CDH2: variants seen among roughly 807,000 people sequenced by gnomAD.
CDH2 encodes the protein cadherin 2, also known as cadherin-2.
CDH2 carries 17 observed loss-of-function variants against 92.0 expected under a neutral mutation model. That is an observed-to-expected ratio of 0.18 (90% CI 0.13 to 0.28). CDH2 has a LOEUF of 0.28. CDH2 is among the 10% of genes least tolerant of loss of function. The pLI is 1.00. For synonymous variants in CDH2, 419 were observed against 415.9 expected, an observed-to-expected ratio of 1.01 and a Z score of -0.09; for missense variants, 862 against 1,133.1, an observed-to-expected ratio of 0.76 and a Z score of 3.44.
intron 2 of CDH2, among the ~76,000 whole-genome samples, chr18:28,140,786 G>A (rs1326635514): frequency 2.7e-5 from 4 of 150,534 alleles, no homozygotes; most frequent in African/African-American, 9.8e-5. Flanking sequence ...ATCTGACAAC[G>A]ATCTAGTATC....
intron 2 of CDH2, among the ~76,000 whole-genome samples, chr18:28,056,235 A>T (rs1398492072): frequency 6.6e-6 from 1 of 152,154 alleles, no homozygotes; most frequent in East Asian, 1.9e-4. Context: ...GGTATGACCA[A>T]GCTGGCTAAA....
Position 27,993,588 on chromosome 18 carries a change from T to G in CDH2, c.1070A>C (p.Asn357Thr). Residue 357 changes from asparagine (N) to threonine (T), a missense_variant, in exon 8 of 16, where the codon AAT becomes ACT. Asn to Thr is a moderately conservative substitution (Grantham distance 65). Around this residue, in one of 5 missense-constraint regions of CDH2, gnomAD observed 564 missense variants for 722.2 expected, o/e 0.78. Transcript: ENST00000269141. ...TGTGTTTGAAAGGCCATATGTGGGA[T>G]TGCCTTCCATGTCTGTAGCTTGAAT... ...LIIQATDMEG[N>T]PTYGLSNTAT... The G allele has an allele frequency of 6.2e-7, 1 of 1,613,860 alleles. No individual in the cohort carries two copies. Among genetic ancestry groups the G allele is most frequent in the Non-Finnish European group, 8.5e-7 (1 of 1,179,732 alleles).
At chr18:28,050,851 T>G (rs139447611) in intron 2 of CDH2, among the ~76,000 whole-genome samples, 9 of 152,306 alleles carry the variant, frequency 5.9e-5, no homozygotes, top group Admixed American at 5.2e-4. Context: ...TCATAAGTTT[T>G]AGCTCAAGAA....
intron 14 of CDH2, among the ~76,000 whole-genome samples, chr18:27,981,201 T>C (rs2012041299): frequency 6.6e-6 from 1 of 152,142 alleles, no homozygotes; most frequent in Non-Finnish European, 1.5e-5. Flanking sequence ...GGGTTTTAGG[T>C]TTATGCCTTT....
intron 2 of CDH2, among the ~76,000 whole-genome samples, chr18:28,040,631 T>G (rs577055040): frequency 1.3e-5 from 2 of 152,096 alleles, no homozygotes; most frequent in Non-Finnish European, 1.5e-5. Context: ...GAGCAAACAA[T>G]ATAAAGTAGA....
At chr18:28,158,362 C>T (rs549736103) in intron 1 of CDH2, among the ~76,000 whole-genome samples, 21 of 152,348 alleles carry the variant, frequency 1.4e-4, no homozygotes, top group African/African-American at 4.8e-4. Flanking sequence ...CCAAGCCCTG[C>T]AGGCTGAGAG....
intron 14 of CDH2, 124 bp from the exon 15 acceptor site, chr18:27,963,645 T>C (rs2011466505): frequency 1.3e-6 from 1 of 745,954 alleles, no homozygotes; most frequent in Non-Finnish European, 2.2e-6. Flanking sequence ...AATGGAAAAG[T>C]TGCCACTATG....
chr18:28,114,109 A>G (rs1405806903), intron 2 of CDH2, among the ~76,000 whole-genome samples: 1 of 152,086 alleles, frequency 6.6e-6, no homozygotes, highest in Non-Finnish European at 1.5e-5. Context: ...AATTACGACT[A>G]TATAGGAGGA....
chr18:27,970,309 C>T (rs553962697), intron 14 of CDH2, among the ~76,000 whole-genome samples: 2 of 152,242 alleles, frequency 1.3e-5, no homozygotes, highest in Non-Finnish European at 2.9e-5. Flanking sequence ...CATGTTTTCA[C>T]CTCGAGTTCC....
intron 2 of CDH2, among the ~76,000 whole-genome samples, chr18:28,114,721 A>C (rs149403617): frequency 8.4e-4 from 128 of 152,174 alleles, no homozygotes; most frequent in African/African-American, 2.7e-3. Flanking sequence ...TTAAGTTACT[A>C]AGTCATGAGA....
intron 2 of CDH2, among the ~76,000 whole-genome samples, chr18:28,042,028 A>G (rs749191790): frequency 1.3e-5 from 2 of 152,176 alleles, no homozygotes; most frequent in Non-Finnish European, 2.9e-5. Context: ...GGTAATCATC[A>G]CCATAAAAAC....
At chr18:28,037,555 G>A (rs1427669404) in intron 2 of CDH2, among the ~76,000 whole-genome samples, 1 of 152,154 alleles carries the variant, frequency 6.6e-6, no homozygotes, top group Non-Finnish European at 1.5e-5. Context: ...TGAGAGGTGA[G>A]ACTGGGAAGA....
intron 2 of CDH2, among the ~76,000 whole-genome samples, chr18:28,036,137 T>G (rs2013820889): frequency 1.3e-5 from 2 of 152,172 alleles, no homozygotes; most frequent in Non-Finnish European, 2.9e-5. Flanking sequence ...TGTTAAGTAT[T>G]ATCAGCTAGA....
chr18:27,974,009 T>G (rs1252161000), intron 14 of CDH2, among the ~76,000 whole-genome samples: 3 of 152,200 alleles, frequency 2.0e-5, no homozygotes. Flanking sequence ...AAATACATTT[T>G]CAACTAGACT....
chr18:27,946,965 G>C (rs1260423559), downstream of CDH2, among the ~76,000 whole-genome samples: 2 of 151,760 alleles, frequency 1.3e-5, no homozygotes, highest in Non-Finnish European at 3.0e-5. Flanking sequence ...AGTATAAACT[G>C]GTATCTATAC....
intron 2 of CDH2, among the ~76,000 whole-genome samples, chr18:28,124,650 T>G (rs149012821): frequency 2.0e-5 from 3 of 152,274 alleles, no homozygotes; most frequent in African/African-American, 7.2e-5. Context: ...AAGAAAACAA[T>G]GATTTTGTAT....
chr18:27,935,053 T>C (rs1908985251), intron 6 of CDH2, among the ~76,000 whole-genome samples: 2 of 152,172 alleles, frequency 1.3e-5, no homozygotes, highest in South Asian at 4.1e-4. Context: ...CACCTTGATG[T>C]TTTTGTATTA....
intron 6 of CDH2, among the ~76,000 whole-genome samples, chr18:27,945,615 G>C (rs536150003): frequency 6.6e-5 from 10 of 152,178 alleles, no homozygotes; most frequent in Admixed American, 3.3e-4. Context: ...GGGAAAAGGA[G>C]CCTGGTTGTT....
At chr18:28,147,827 T>C in intron 1 of CDH2, 43 bp from the exon 2 acceptor site, 1 of 1,091,674 alleles carries the variant, frequency 9.2e-7, no homozygotes, top group East Asian at 2.4e-5. Context: ...CAATGATTGC[T>C]ACCTCCTTCA....
Sources: allele counts gnomAD v4.1 joint callset (sites outside exome capture counted in the v4.1 genomes callset), GRCh38; gene constraint gnomAD v4.1.1; regional missense constraint gnomAD v4.1.1; transcripts MANE v1.5; gene names NCBI Gene and HGNC (gene_info 2026-07-23, HGNC 2026-07-21).